The following PCNT variants were observed in gnomAD, a reference collection of about 807,000 sequenced individuals.
PCNT encodes the protein kendrin.
PCNT carries 319 observed loss-of-function variants against 380.4 expected under a neutral mutation model. The observed-to-expected ratio is 0.84, with a 90% confidence interval of 0.77 to 0.92. The LOEUF (loss-of-function observed/expected upper bound fraction) is 0.92. Ranked by LOEUF, PCNT falls within the 40% of genes least tolerant of loss-of-function variation. The pLI is 0.00. For synonymous variants in PCNT, 1,845 were observed against 1,735.2 expected, an observed-to-expected ratio of 1.06 and a Z score of -1.57; for missense variants, 4,400 against 4,255.3, an observed-to-expected ratio of 1.03 and a Z score of -0.95.
intron 41 of PCNT, among the ~76,000 whole-genome samples, chr21:46,438,712 GC>G (rs1281423433): frequency 8.2e-6 from 1 of 121,864 alleles, no homozygotes; most frequent in Non-Finnish European, 1.7e-5. Context: ...TTGCTCTGTT[GC>G]CCAGGCTAGA....
Position 46,334,676 on chromosome 21 carries a change from G to A in PCNT, c.547G>A (p.Gly183Arg), listed in dbSNP as rs1569163500. 1 of 1,611,470 alleles carries A rather than the reference G, an allele frequency of 6.2e-7. No homozygotes were observed. Among genetic ancestry groups the A allele is most frequent in the East Asian group, 2.2e-5 (1 of 44,756 alleles). The change falls in exon 3 of 47, where the codon GGG becomes AGG. Residue 183 changes from glycine (G) to arginine (R), a missense_variant. Physicochemically the swap from Gly to Arg is moderately radical, Grantham distance 125. Coordinates refer to ENST00000359568, the MANE Select transcript of PCNT (RefSeq NM_006031.6). ...TISDHQPEQRGMFTVSDHTPE... is the reference protein window; with the variant it reads ...TISDHQPEQRRMFTVSDHTPE... ...CAGTGACCACCAACCGGAACAGCGTGGGATGTTCACAGTCAGTGACCACAC... is the reference window on the plus strand; with the variant it reads ...CAGTGACCACCAACCGGAACAGCGTAGGATGTTCACAGTCAGTGACCACAC...
intron 13 of PCNT, among the ~76,000 whole-genome samples, chr21:46,358,136 G>T (rs887409957): frequency 6.6e-6 from 1 of 152,144 alleles, no homozygotes; most frequent in Non-Finnish European, 1.5e-5. Flanking sequence ...GGCAGCTCAG[G>T]CTCCGTCCCA....
At chr21:46,375,779 C>A (rs776558010) in intron 15 of PCNT, among the ~76,000 whole-genome samples, 2 of 152,388 alleles carry the variant, frequency 1.3e-5, no homozygotes, top group South Asian at 2.1e-4. Context: ...GCTGTCCCCC[C>A]GCGGGGAGCC....
intron 16 of PCNT, among the ~76,000 whole-genome samples, chr21:46,385,506 A>AT (rs1374128265): frequency 1.3e-5 from 2 of 152,174 alleles, no homozygotes; most frequent in African/African-American, 2.4e-5. Flanking sequence ...ATGTTTGTGT[A>AT]TTCTTTTGTA....
At chr21:46,339,634 C>T (rs2083858405) in intron 3 of PCNT, among the ~76,000 whole-genome samples, 1 of 152,094 alleles carries the variant, frequency 6.6e-6, no homozygotes. Flanking sequence ...CGCTCTTCTG[C>T]CTGGTTTTAT....
chr21:46,389,170 G>A (rs746165284), intron 18 of PCNT, 29 bp from the exon 19 acceptor site: 114 of 1,600,448 alleles, frequency 7.1e-5, no homozygotes, highest in Admixed American at 1.0e-4. Flanking sequence ...TCACTGAGCC[G>A]CGTGTGCCGG....
rs1476554456 is a variant in PCNT at position 46,416,071 on chromosome 21, TAAAG to T, written c.6157_6160del (p.Glu2053LysfsTer14). On this transcript the variant is annotated frameshift_variant, in exon 30 of 47. Coordinates refer to ENST00000359568, the MANE Select transcript of PCNT (RefSeq NM_006031.6). LOFTEE classifies it high-confidence loss of function. The stretch of plus-strand genomic sequence containing the variant: ...CACCTGTTCTGTTTCACCTGCAGGG[TAAAG>T]AAAAAGTACTGGAAGATTGTCAGCT... 6.2e-7 allele frequency: 1 copy of T among 1,613,762 alleles called. No homozygotes were observed. The highest frequency in any genetic ancestry group is 8.5e-7 in the Non-Finnish European group (1 of 1,179,994).
At chr21:46,390,133 C>G (rs763239223) in intron 19 of PCNT, among the ~76,000 whole-genome samples, 1 of 152,238 alleles carries the variant, frequency 6.6e-6, no homozygotes, top group Non-Finnish European at 1.5e-5. Context: ...CAGCAGCCAG[C>G]CTGGGCAACA....
intron 3 of PCNT, among the ~76,000 whole-genome samples, chr21:46,342,496 T>A (rs2083936509): frequency 6.6e-6 from 1 of 152,176 alleles, no homozygotes; most frequent in Non-Finnish European, 1.5e-5. Flanking sequence ...CATACCAACC[T>A]GGATGTGTTT....
At chr21:46,333,701 G>A (rs2083630848) in intron 2 of PCNT, among the ~76,000 whole-genome samples, 1 of 151,622 alleles carries the variant, frequency 6.6e-6, no homozygotes, top group Non-Finnish European at 1.5e-5. Context: ...AGGAGTTCAA[G>A]ACCAGTCTGG....
In PCNT at chr21:46,326,360, T is replaced by G. The variant is rs781316159; in HGVS notation, c.55-17T>G. The G allele has an allele frequency of 1.9e-6, 3 of 1,613,446 alleles. No homozygotes were observed. The highest frequency in any genetic ancestry group is 1.7e-5 in the Admixed American group (1 of 60,016). On this transcript the variant is annotated splice_polypyrimidine_tract_variant and intron_variant, in intron 1 of 46. Coordinates refer to ENST00000359568, the MANE Select transcript of PCNT (RefSeq NM_006031.6). The stretch of plus-strand genomic sequence containing the variant: ...CACTTACCTTTGCCTTTACTACTTA[T>G]CTACATTTTTGCGCAGCTTGCTCAC...
In PCNT at chr21:46,389,337, T is replaced by C. The variant is rs869183963; in HGVS notation, c.3746T>C (p.Val1249Ala). The C allele has an allele frequency of 6.2e-7, 1 of 1,614,200 alleles. No homozygotes were observed. The highest frequency in any genetic ancestry group is 8.5e-7 in the Non-Finnish European group (1 of 1,180,028). ...AGCTTTCTCATGAGCCCAGAAAGTG[T>C]GCGGGAGTGTGAGCAGCCCATCCGG... The part of the protein sequence containing the change: ...RESFLMSPES[V>A]RECEQPIRRV... Residue 1249 changes from valine (V) to alanine (A), a missense_variant, in exon 19 of 47, where the codon GTG (valine) becomes GCG (alanine). Val to Ala is a moderately conservative substitution (Grantham distance 64). Coordinates refer to ENST00000359568, the MANE Select transcript of PCNT (RefSeq NM_006031.6).
Position 46,398,116 on chromosome 21 carries a change from C to A in PCNT, c.4549C>A (p.Pro1517Thr). ...GGCGGCCAAGCCGCAGCCCTGGGGC[C>A]CTCGCGACAGCCAGGTGAGTCAGTG... ...RQAAKPQPWG[P>T]RDSQQAPLDG... Residue 1517 changes from proline to threonine, a missense_variant, in exon 23 of 47, where the codon CCT becomes ACT. Coordinates refer to ENST00000359568, the MANE Select transcript of PCNT (RefSeq NM_006031.6). 1 of 1,605,666 alleles carries A rather than the reference C, an allele frequency of 6.2e-7. No individual in the cohort carries two copies. Among genetic ancestry groups the A allele is most frequent in the East Asian group, 2.2e-5 (1 of 44,648 alleles).
At chr21:46,397,118 G>A (rs1453236302) in intron 21 of PCNT, 147 bp from the exon 22 acceptor site, 4 of 703,906 alleles carry the variant, frequency 5.7e-6, no homozygotes, top group East Asian at 2.7e-5. Flanking sequence ...AGCCAATGTT[G>A]TTTTAAAAGA....
chr21:46,401,793 C>T (rs538126671), intron 26 of PCNT, 72 bp downstream of exon 26: 10 of 1,424,478 alleles, frequency 7.0e-6, no homozygotes, highest in African/African-American at 2.8e-5. Flanking sequence ...GTGGCAGATC[C>T]GATGTCCAGA....
At chr21:46,407,046 G>C (rs1235119652) in intron 27 of PCNT, among the ~76,000 whole-genome samples, 1 of 152,146 alleles carries the variant, frequency 6.6e-6, no homozygotes, top group South Asian at 2.1e-4. Flanking sequence ...GTTCCCTAAG[G>C]CTTTGTATGA....
chr21:46,343,608 T>G (rs1416364136), intron 3 of PCNT, among the ~76,000 whole-genome samples: 1 of 152,160 alleles, frequency 6.6e-6, no homozygotes, highest in Non-Finnish European at 1.5e-5. Flanking sequence ...TTCCTGGTTT[T>G]GGTATTAGGG....
At chr21:46,387,023 C>G (rs1186083385) in intron 17 of PCNT, among the ~76,000 whole-genome samples, 1 of 152,290 alleles carries the variant, frequency 6.6e-6, no homozygotes, top group East Asian at 1.9e-4. Context: ...CCTCTGAGTC[C>G]TGCTGCTGCT....
chr21:46,381,060 C>A (rs2085514501), intron 15 of PCNT, among the ~76,000 whole-genome samples: 1 of 151,476 alleles, frequency 6.6e-6, no homozygotes, highest in Non-Finnish European at 1.5e-5. Flanking sequence ...GCCTATAATC[C>A]CAGCTACTCG....
Sources: allele counts gnomAD v4.1 joint callset (sites outside exome capture counted in the v4.1 genomes callset), GRCh38; gene constraint gnomAD v4.1.1; transcripts MANE v1.5; gene names NCBI Gene and HGNC (gene_info 2026-07-23, HGNC 2026-07-21).